The following CEP112 variants were observed in gnomAD, a reference collection of about 807,000 sequenced individuals.
CEP112 encodes centrosomal protein of 112 kDa.
In CEP112, 127 loss-of-function variants were observed where a neutral mutation model predicts 153.0. The observed-to-expected ratio is 0.83, with a 90% CI of 0.72 to 0.96. The LOEUF (loss-of-function observed/expected upper bound fraction) is 0.96, where lower values mean the gene tolerates loss of function less well. Among genes scored for constraint, CEP112 ranks in the 40% least tolerant of loss-of-function variants. The pLI is 0.00. For missense variants in CEP112, 1,089 were observed against 1,101.2 expected, an observed-to-expected ratio of 0.99 and a Z score of 0.16; for synonymous variants, 358 against 374.4, an observed-to-expected ratio of 0.96 and a Z score of 0.51.
At chr17:65,652,834 T>A (rs374952501) in intron 24 of CEP112, among the ~76,000 whole-genome samples, 2 of 152,208 alleles carry the variant, frequency 1.3e-5, no homozygotes, top group Admixed American at 1.3e-4. Context: ...TGGGCTGCTA[T>A]AACAAATACC....
At chr17:65,861,130 G>A (rs561574921) in intron 20 of CEP112, among the ~76,000 whole-genome samples, 18 of 152,266 alleles carry the variant, frequency 1.2e-4, no homozygotes, top group African/African-American at 4.1e-4. Flanking sequence ...ACCATTAATG[G>A]GTCTGAGTTT....
chr17:66,075,248 A>G (rs2067447843), intron 8 of CEP112, among the ~76,000 whole-genome samples: 1 of 152,210 alleles, frequency 6.6e-6, no homozygotes, highest in Non-Finnish European at 1.5e-5. Context: ...CTATGACAAT[A>G]GCACAAGTGA....
At chr17:65,669,674 C>T (rs140530375) in intron 24 of CEP112, among the ~76,000 whole-genome samples, 1,896 of 152,150 alleles carry the variant, frequency 0.012, 37 homozygotes, top group African/African-American at 0.043. Flanking sequence ...GGGGCCAAGG[C>T]GGGTGGATCA....
At chr17:65,834,515 A>G (rs1033994443) in intron 21 of CEP112, among the ~76,000 whole-genome samples, 2 of 152,118 alleles carry the variant, frequency 1.3e-5, no homozygotes, top group African/African-American at 2.4e-5. Context: ...GAGAAAAACT[A>G]CCCCATTAAA....
At chr17:65,939,368 A>C (rs971505592) in intron 18 of CEP112, among the ~76,000 whole-genome samples, 2 of 152,218 alleles carry the variant, frequency 1.3e-5, no homozygotes. Context: ...CATTTCTCAC[A>C]GAAATAGAAA....
chr17:65,819,580 A>G (rs1730802437), intron 21 of CEP112, among the ~76,000 whole-genome samples: 2 of 152,040 alleles, frequency 1.3e-5, no homozygotes, highest in South Asian at 2.1e-4. Flanking sequence ...AACCTGGCAG[A>G]TACCATCTTT....
At chr17:65,750,815 G>C in intron 21 of CEP112, 91 bp from the exon 22 acceptor site, 10 of 1,152,052 alleles carry the variant, frequency 8.7e-6, no homozygotes, top group South Asian at 1.3e-5. Context: ...TGGGATGCCT[G>C]CCAGCTGCAC....
intron 21 of CEP112, among the ~76,000 whole-genome samples, chr17:65,753,521 A>T (rs538787129): frequency 6.6e-6 from 1 of 152,286 alleles, no homozygotes; most frequent in East Asian, 1.9e-4. Context: ...TCCAGAATAG[A>T]GAGGGCATGT....
intron 6 of CEP112, among the ~76,000 whole-genome samples, chr17:66,117,936 A>T (rs2069377768): frequency 6.6e-6 from 1 of 152,192 alleles, no homozygotes; most frequent in Non-Finnish European, 1.5e-5. Flanking sequence ...TCATCAAAGA[A>T]ATGCAAATCA....
chr17:66,107,689 G>T (rs2068844150), intron 6 of CEP112, among the ~76,000 whole-genome samples: 1 of 151,982 alleles, frequency 6.6e-6, no homozygotes. Context: ...TGGATTGGAA[G>T]AATCAAAATT....
rs188334930 is a variant in CEP112 at position 66,035,539 on chromosome 17, C to T, written c.1219-5516G>A. 3.5e-3 allele frequency among the ~76,000 whole-genome samples: 525 copies of T among 152,032 alleles called. 1 individual carries two copies. Among genetic ancestry groups the T allele is most frequent in the African/African-American group, 0.012 (495 of 41,474 alleles). ...ACCATTATGGAGAACAGTATGGAGG[C>T]ACCTCAAAAATTTAAAAATAGAACT... On this transcript the variant is annotated intron_variant, in intron 12 of 26. Transcript: ENST00000535342.
chr17:65,948,723 A>C (rs2061724446), intron 18 of CEP112, among the ~76,000 whole-genome samples: 1 of 152,116 alleles, frequency 6.6e-6, no homozygotes, highest in Non-Finnish European at 1.5e-5. Flanking sequence ...TATTTAAGCA[A>C]TATTAAATGA....
intron 20 of CEP112, among the ~76,000 whole-genome samples, chr17:65,869,120 T>C (rs1287258887): frequency 6.6e-6 from 1 of 152,244 alleles, no homozygotes; most frequent in African/African-American, 2.4e-5. Context: ...TGCTGCATTC[T>C]AACCTGCAAA....
intron 21 of CEP112, among the ~76,000 whole-genome samples, chr17:65,802,943 G>T (rs1475004750): frequency 1.3e-5 from 2 of 152,176 alleles, no homozygotes; most frequent in Non-Finnish European, 2.9e-5. Context: ...CTTTACAAGT[G>T]CCTTCACCAA....
intron 18 of CEP112, among the ~76,000 whole-genome samples, chr17:65,952,506 C>T (rs2061869214): frequency 6.6e-6 from 1 of 151,992 alleles, no homozygotes; most frequent in South Asian, 2.1e-4. Context: ...TTCATTTATC[C>T]TTTCACCTTC....
intron 21 of CEP112, among the ~76,000 whole-genome samples, chr17:65,822,351 C>G (rs2056634591): frequency 6.6e-6 from 1 of 151,976 alleles, no homozygotes; most frequent in Non-Finnish European, 1.5e-5. Flanking sequence ...TACCAAAATC[C>G]AAAGATACTC....
intron 21 of CEP112, among the ~76,000 whole-genome samples, chr17:65,820,189 C>G (rs1255559393): frequency 6.6e-6 from 1 of 152,012 alleles, no homozygotes; most frequent in Non-Finnish European, 1.5e-5. Context: ...CCGATTTTTC[C>G]TAAGCTCATA....
intron 21 of CEP112, among the ~76,000 whole-genome samples, chr17:65,830,623 T>G (rs962074138): frequency 1.3e-5 from 2 of 152,218 alleles, no homozygotes; most frequent in African/African-American, 4.8e-5. Context: ...GACTGCTTGC[T>G]GCTCTATTGC....
chr17:65,655,180 T>C (rs907482542), intron 24 of CEP112: 2 of 762,578 alleles, frequency 2.6e-6, no homozygotes, highest in Admixed American at 1.7e-5. Context: ...AAATCTAATA[T>C]TGACAAGTGG....
Sources: allele counts gnomAD v4.1 joint callset (sites outside exome capture counted in the v4.1 genomes callset), GRCh38; gene constraint gnomAD v4.1.1; transcripts MANE v1.5; gene names NCBI Gene and HGNC (gene_info 2026-07-23, HGNC 2026-07-21).